The following RARB variants were observed in gnomAD, a reference collection of about 807,000 sequenced individuals.
RARB encodes HBV-activated protein.
RARB carries 17 observed loss-of-function variants against 51.9 expected under a neutral mutation model. The ratio of observed to expected loss-of-function variants is 0.33; its 90% CI spans 0.22 to 0.49. The LOEUF is 0.49. Ranked by LOEUF, RARB falls within the 20% of genes least tolerant of loss-of-function variation. RARB has a pLI of 0.99. For synonymous variants in RARB, 215 were observed against 195.4 expected, an observed-to-expected ratio of 1.10 and a Z score of -0.84; for missense variants, 369 against 550.8, an observed-to-expected ratio of 0.67 and a Z score of 3.30.
At chr3:25,028,106 A>G (rs552723181) in intron 2 of RARB, among the ~76,000 whole-genome samples, 1 of 152,200 alleles carries the variant, frequency 6.6e-6, no homozygotes, top group South Asian at 2.1e-4. Context: ...ACCCCCACCT[A>G]CTTCACTTTG....
chr3:24,974,840 T>C (rs911480104), intron 2 of RARB, among the ~76,000 whole-genome samples: 12 of 152,172 alleles, frequency 7.9e-5, no homozygotes, highest in African/African-American at 2.9e-4. Context: ...GAAAGGTCTT[T>C]AGACATAGCC....
intron 2 of RARB, among the ~76,000 whole-genome samples, chr3:24,913,466 C>T (rs1559393931): frequency 7.2e-6 from 1 of 139,292 alleles, no homozygotes; most frequent in Non-Finnish European, 1.5e-5. Context: ...ATAGCTCATA[C>T]ATTTCTCTCA....
At chr3:25,245,464 G>A (rs1402926387) in intron 5 of RARB, among the ~76,000 whole-genome samples, 2 of 152,020 alleles carry the variant, frequency 1.3e-5, no homozygotes, top group Non-Finnish European at 1.5e-5. Flanking sequence ...TCCACATTTA[G>A]TGTTTCCTTA....
intron 5 of RARB, among the ~76,000 whole-genome samples, chr3:25,208,828 C>T (rs1271965764): frequency 6.6e-6 from 1 of 152,136 alleles, no homozygotes; most frequent in African/African-American, 2.4e-5. Flanking sequence ...GTGACCTGGA[C>T]TCAGGGCCCA....
intron 2 of RARB, among the ~76,000 whole-genome samples, chr3:24,900,706 G>A (rs1703585456): frequency 6.6e-6 from 1 of 152,196 alleles, no homozygotes; most frequent in Admixed American, 6.6e-5. Flanking sequence ...TGAGACAGCT[G>A]ATGTAAATGC....
chr3:25,270,936 C>T (rs1420259604), intron 5 of RARB, among the ~76,000 whole-genome samples: 1 of 152,224 alleles, frequency 6.6e-6, no homozygotes, highest in African/African-American at 2.4e-5. Context: ...GGCTTAAGCC[C>T]CCAGTCTTCA....
intron 2 of RARB, among the ~76,000 whole-genome samples, chr3:25,012,647 A>T (rs1442885113): frequency 2.6e-5 from 4 of 152,186 alleles, no homozygotes; most frequent in African/African-American, 9.6e-5. Context: ...ATGAGTGAGC[A>T]CCTAAATGTT....
chr3:25,122,019 A>G (rs1175042760), intron 3 of RARB, among the ~76,000 whole-genome samples: 3 of 152,146 alleles, frequency 2.0e-5, no homozygotes, highest in African/African-American at 7.2e-5. Flanking sequence ...ATTCTCTTAT[A>G]CTTCTTTGAA....
At chr3:25,292,129 G>C (rs1447684100) in intron 5 of RARB, among the ~76,000 whole-genome samples, 1 of 151,878 alleles carries the variant, frequency 6.6e-6, no homozygotes, top group Non-Finnish European at 1.5e-5. Flanking sequence ...CCTGCTTCAG[G>C]GGTTGCTGAT....
chr3:25,367,057 T>C (rs1288436853), intron 5 of RARB, among the ~76,000 whole-genome samples: 5 of 152,178 alleles, frequency 3.3e-5, no homozygotes, highest in Admixed American at 1.3e-4. Context: ...AGCCAAGAGT[T>C]CATATTCCAT....
chr3:24,886,758 TA>T (rs1319566616), intron 2 of RARB, among the ~76,000 whole-genome samples: 18 of 152,106 alleles, frequency 1.2e-4, no homozygotes, highest in Non-Finnish European at 1.9e-4. Flanking sequence ...TTGATACTCC[TA>T]GGGCAACTTG....
intron 5 of RARB, among the ~76,000 whole-genome samples, chr3:25,398,287 C>T (rs773579468): frequency 6.6e-5 from 10 of 152,080 alleles, no homozygotes; most frequent in Non-Finnish European, 1.3e-4. Context: ...AACTACAGGA[C>T]CCACATAAAC....
chr3:25,477,165 C>A (rs1695992970), intron 2 of RARB, among the ~76,000 whole-genome samples: 1 of 152,190 alleles, frequency 6.6e-6, no homozygotes, highest in African/African-American at 2.4e-5. Flanking sequence ...ATGAAAATGT[C>A]AATAGGCATC....
intron 5 of RARB, among the ~76,000 whole-genome samples, chr3:25,251,115 A>C (rs559151935): frequency 1.3e-5 from 2 of 152,256 alleles, no homozygotes; most frequent in African/African-American, 2.4e-5. Context: ...ACATTCCTCT[A>C]TTCAGCCACC....
At chr3:25,258,574 A>T (rs563947502) in intron 5 of RARB, among the ~76,000 whole-genome samples, 1 of 152,080 alleles carries the variant, frequency 6.6e-6, no homozygotes, top group African/African-American at 2.4e-5. Flanking sequence ...TTTGGAATGT[A>T]TAGTGGTTTT....
At chr3:25,092,797 A>C (rs1334231741) in intron 3 of RARB, among the ~76,000 whole-genome samples, 8 of 152,186 alleles carry the variant, frequency 5.3e-5, no homozygotes, top group African/African-American at 1.9e-4. Context: ...ATGTCACCTG[A>C]ACATGAGTTT....
chr3:25,571,706 C>T (rs3773443), intron 4 of RARB, among the ~76,000 whole-genome samples: 3 of 152,338 alleles, frequency 2.0e-5, no homozygotes, highest in East Asian at 1.9e-4. Flanking sequence ...CACCATCAGC[C>T]CCATGACGGT....
chr3:24,942,161 A>C (rs2125400576), intron 2 of RARB, among the ~76,000 whole-genome samples: 1 of 152,336 alleles, frequency 6.6e-6, no homozygotes, highest in South Asian at 2.1e-4. Context: ...ACTGGGACTG[A>C]AACCAGGTTT....
chr3:25,251,167 T>C (rs1702709176), intron 5 of RARB, among the ~76,000 whole-genome samples: 1 of 152,136 alleles, frequency 6.6e-6, no homozygotes, highest in African/African-American at 2.4e-5. Flanking sequence ...CATATGTCAA[T>C]ATATTCAAGG....
Sources: allele counts gnomAD v4.1 joint callset (sites outside exome capture counted in the v4.1 genomes callset), GRCh38; gene constraint gnomAD v4.1.1; transcripts MANE v1.5; gene names NCBI Gene and HGNC (gene_info 2026-07-23, HGNC 2026-07-21).